MCOLN2: variants seen among roughly 807,000 people sequenced by gnomAD.
MCOLN2 encodes mucolipin TRP cation channel 2, also known as mucolipin-2.
A neutral mutation model predicts 67.5 loss-of-function variants in MCOLN2; 57 were observed. The ratio of observed to expected loss-of-function variants is 0.84; its 90% CI spans 0.68 to 1.05. The LOEUF (loss-of-function observed/expected upper bound fraction) is 1.05. Ranked by LOEUF, MCOLN2 falls within the 50% of genes least tolerant of loss-of-function variation. The probability of loss-of-function intolerance (pLI) is 0.00; values close to 1 mark genes in which losing one functional copy is unlikely to be tolerated. For missense variants in MCOLN2, 620 were observed against 678.8 expected (o/e 0.91, Z 0.96); for synonymous variants, 246 against 233.3 (o/e 1.05, Z -0.50).
chr1:84,943,528 C>T (rs896735907), intron 7 of MCOLN2, among the ~76,000 whole-genome samples: 1 of 151,964 alleles, frequency 6.6e-6, no homozygotes, highest in Non-Finnish European at 1.5e-5. Flanking sequence ...GAACAGACTG[C>T]GGTCAGAGTC....
rs1161447744 is a variant in MCOLN2, at chr1:84,947,249, A to G, written c.748-117T>C. 54 of 639,342 alleles carry G rather than the reference A, an allele frequency of 8.4e-5. No individual in the cohort carries two copies. The Admixed American group carries it at 1.4e-3, about 16-fold the overall frequency. The allele number at this position is 639,342 out of a possible 1,614,324, so 39.6% of individuals were successfully genotyped here. On this transcript the variant is annotated intron_variant, in intron 6 of 13. Coordinates refer to ENST00000370608, the MANE Select transcript of MCOLN2 (RefSeq NM_153259.4). The stretch of plus-strand genomic sequence containing the variant: ...AGTGTGCTGATCCAAAGAGAATTAC[A>G]CAGGCCAGCAAAATGGCTGACTAGA...
At chr1:84,964,949 C>T (rs1257828023) in intron 2 of MCOLN2, among the ~76,000 whole-genome samples, 2 of 152,138 alleles carry the variant, frequency 1.3e-5, no homozygotes, top group Non-Finnish European at 2.9e-5. Flanking sequence ...CTAACAGGTC[C>T]GTGGCCCAGG....
At chr1:84,948,129 A>G (rs1243463202) in intron 6 of MCOLN2, among the ~76,000 whole-genome samples, 1 of 151,900 alleles carries the variant, frequency 6.6e-6, no homozygotes, top group East Asian at 1.9e-4. Context: ...CCCCACCACA[A>G]CCATGCACAC....
At chr1:84,961,343 T>A (rs770718226) in intron 2 of MCOLN2, among the ~76,000 whole-genome samples, 4 of 152,062 alleles carry the variant, frequency 2.6e-5, no homozygotes, top group Non-Finnish European at 5.9e-5. Flanking sequence ...TAAAAAAAAA[T>A]GTAAACTAGG....
At chr1:84,959,574 C>G (rs967038850) in intron 2 of MCOLN2, among the ~76,000 whole-genome samples, 2 of 152,152 alleles carry the variant, frequency 1.3e-5, no homozygotes, top group African/African-American at 4.8e-5. Context: ...CGCACATTCA[C>G]ACTCTCTCAC....
chr1:84,991,615 G>C (rs560186788), intron 1 of MCOLN2, among the ~76,000 whole-genome samples: 2 of 152,038 alleles, frequency 1.3e-5, no homozygotes, highest in Admixed American at 6.6e-5. Flanking sequence ...AAGGCCATAG[G>C]GGCTTTTCAT....
At chr1:84,926,815 A>G (rs1396047741) in intron 13 of MCOLN2, 94 bp from the exon 14 acceptor site, 4 of 860,434 alleles carry the variant, frequency 4.6e-6, no homozygotes, top group Admixed American at 5.9e-5. Context: ...AGGCCCGTAG[A>G]TTATAGACAT....
At chr1:84,935,976 A>G (rs1647404291) in intron 11 of MCOLN2, among the ~76,000 whole-genome samples, 1 of 152,228 alleles carries the variant, frequency 6.6e-6, no homozygotes, top group Non-Finnish European at 1.5e-5. Context: ...TCTGTTTTAG[A>G]TAATACCAAG....
At chr1:84,987,516 GT>G (rs1650626428) in intron 1 of MCOLN2, among the ~76,000 whole-genome samples, 1 of 9,512 alleles carries the variant, frequency 1.1e-4, no homozygotes, top group African/African-American at 3.1e-4. Context: ...GTATACATAT[GT>G]ATATATGTAT....
In MCOLN2 at chr1:84,965,702, T is replaced by C. The variant is rs755252514; in HGVS notation, c.84A>G (p.Ala28=). 7 of 1,610,838 alleles carry C rather than the reference T, an allele frequency of 4.3e-6. No individual in the cohort carries two copies. The highest frequency in any genetic ancestry group is 5.9e-6 in the Non-Finnish European group (7 of 1,178,970). Residue 28 remains alanine, a synonymous_variant, in exon 2 of 14, where the codon GCA becomes GCG. Transcript: ENST00000370608. ...TCATCTCAGAATCACGATGTGCCAT[T>C]GCATTTCTGCCACAGAAGATTAATT... The part of the protein sequence containing the change: ...SGVFRLTVRN[A]MAHRDSEMKE...
intron 7 of MCOLN2, among the ~76,000 whole-genome samples, chr1:84,945,016 C>T (rs1481288501): frequency 1.3e-5 from 2 of 152,172 alleles, no homozygotes; most frequent in Non-Finnish European, 2.9e-5. Flanking sequence ...TTCACATTCT[C>T]CTAGTGATAG....
intron 1 of MCOLN2, among the ~76,000 whole-genome samples, chr1:84,989,789 G>C (rs998964074): frequency 6.6e-6 from 1 of 152,152 alleles, no homozygotes; most frequent in Admixed American, 6.5e-5. Flanking sequence ...ATTGTGATCT[G>C]TAAAGAGCTC....
intron 8 of MCOLN2, 93 bp downstream of exon 8, chr1:84,940,786 A>C: frequency 1.3e-6 from 1 of 740,894 alleles, no homozygotes; most frequent in Non-Finnish European, 2.2e-6. Flanking sequence ...AGGTCTCCAA[A>C]AAAGGCAGGT....
At chr1:84,990,836 G>A (rs568023026) in intron 1 of MCOLN2, among the ~76,000 whole-genome samples, 48 of 152,086 alleles carry the variant, frequency 3.2e-4, no homozygotes, top group African/African-American at 1.1e-3. Flanking sequence ...TGGGGGGGCT[G>A]AGGCAGGAGG....
intron 1 of MCOLN2, among the ~76,000 whole-genome samples, chr1:84,994,668 T>G (rs949882010): frequency 1.3e-5 from 2 of 152,346 alleles, no homozygotes; most frequent in Middle Eastern, 3.4e-3. Context: ...TGCTTTAGCT[T>G]TAGTGAATGT....
intron 13 of MCOLN2, among the ~76,000 whole-genome samples, chr1:84,927,830 C>T (rs1347823657): frequency 1.1e-4 from 16 of 152,190 alleles, no homozygotes; most frequent in African/African-American, 4.8e-5. Flanking sequence ...ACATTGCCCA[C>T]GCTGATCTCA....
intron 1 of MCOLN2, among the ~76,000 whole-genome samples, chr1:84,979,336 G>A (rs1360566953): frequency 3.9e-5 from 6 of 152,072 alleles, no homozygotes; most frequent in Non-Finnish European, 8.8e-5. Context: ...TATGAGGCCA[G>A]TATTACCCTG....
chr1:84,991,112 A>G (rs1650869764), intron 1 of MCOLN2, among the ~76,000 whole-genome samples: 1 of 152,072 alleles, frequency 6.6e-6, no homozygotes, highest in Non-Finnish European at 1.5e-5. Flanking sequence ...TAACGTATGA[A>G]TTCTTGAGTT....
chr1:84,939,549 T>A lies in MCOLN2; in HGVS notation c.1110+4A>T, dbSNP rs769456270. 1 of 1,613,830 alleles carries A rather than the reference T, an allele frequency of 6.2e-7. No homozygotes were observed. Among genetic ancestry groups the A allele is most frequent in the African/African-American group, 1.3e-5 (1 of 75,014 alleles). On this transcript the variant is annotated splice_donor_region_variant and intron_variant, in intron 9 of 13. Transcript: ENST00000370608. ...AACAGAGACTTTAAATGGGCTTCCC[T>A]CACCTTTGCTTTGATTTCCATTTTT... is the stretch of plus-strand genomic sequence containing the variant.
Sources: allele counts gnomAD v4.1 joint callset (sites outside exome capture counted in the v4.1 genomes callset), GRCh38; gene constraint gnomAD v4.1.1; transcripts MANE v1.5; gene names NCBI Gene and HGNC (gene_info 2026-07-23, HGNC 2026-07-21).